SGMS1: variants seen among roughly 807,000 people sequenced by gnomAD.
SGMS1 encodes the protein sphingomyelin synthase 1.
Under a neutral mutation model 46.2 loss-of-function variants are expected in SGMS1, and 13 were observed. That is an observed-to-expected ratio of 0.28 (90% CI 0.18 to 0.45). SGMS1 has a LOEUF of 0.45. Ranked by LOEUF, SGMS1 falls within the 20% of genes least tolerant of loss-of-function variation. SGMS1 has a pLI of 1.00. For synonymous variants in SGMS1, 203 were observed against 187.8 expected, an observed-to-expected ratio of 1.08 and a Z score of -0.66; for missense variants, 324 against 519.9, an observed-to-expected ratio of 0.62 and a Z score of 3.66.
intron 1 of SGMS1, among the ~76,000 whole-genome samples, chr10:50,594,899 C>T (rs946198399): frequency 3.3e-5 from 5 of 152,112 alleles, no homozygotes; most frequent in African/African-American, 1.2e-4. Context: ...TCATTTATCC[C>T]GACAAGGTAG....
At chr10:50,406,419 A>G (rs1849015866) in intron 6 of SGMS1, among the ~76,000 whole-genome samples, 3 of 152,118 alleles carry the variant, frequency 2.0e-5, no homozygotes, top group African/African-American at 7.2e-5. Flanking sequence ...TGGGACCATG[A>G]AGGATGGATT....
At position 50,306,452 on chromosome 10, in the gene SGMS1, TTCTC is replaced by T. The variant is rs1319118863; in HGVS notation, c.*686_*689del. 5.9e-5 allele frequency: 9 copies of T among 152,724 alleles called. No homozygotes were observed. Among genetic ancestry groups the T allele is most frequent in the African/African-American group, 2.4e-5 (1 of 41,464 alleles). The allele number at this position is 152,724 out of a possible 1,614,324, so 9.5% of individuals were successfully genotyped here. On this transcript the variant is annotated 3_prime_UTR_variant, in exon 11 of 11. Transcript: ENST00000361781. Reference sequence around the variant, plus strand: ...GATGCATTTTTAAATTTTAACTCTCTTCTCTCTGACATGTTAAAAATCTTTAAAT... The same window carrying T: ...GATGCATTTTTAAATTTTAACTCTCTTCTGACATGTTAAAAATCTTTAAAT...
At chr10:50,392,581 G>C (rs1045434802) in intron 6 of SGMS1, among the ~76,000 whole-genome samples, 5 of 152,148 alleles carry the variant, frequency 3.3e-5, no homozygotes, top group Non-Finnish European at 5.9e-5. Context: ...AGCCCAGCAA[G>C]CGCCATGCAA....
chr10:50,484,154 C>T (rs1404090057), intron 3 of SGMS1, among the ~76,000 whole-genome samples: 1 of 151,452 alleles, frequency 6.6e-6, no homozygotes, highest in Non-Finnish European at 1.5e-5. Context: ...ACTAGCTAGA[C>T]TAATAAAGAA....
chr10:50,356,382 A>G (rs1452151364), intron 6 of SGMS1, among the ~76,000 whole-genome samples: 3 of 152,024 alleles, frequency 2.0e-5, no homozygotes, highest in Admixed American at 6.5e-5. Context: ...AGTCATCACC[A>G]CTCCCTAATC....
intron 1 of SGMS1, among the ~76,000 whole-genome samples, chr10:50,598,032 A>G (rs545644097): frequency 1.3e-5 from 2 of 151,872 alleles, no homozygotes; most frequent in East Asian, 3.9e-4. Context: ...AAAAAAGAAA[A>G]AAAAATTCAC....
chr10:50,356,007 C>T (rs563902391), intron 6 of SGMS1, among the ~76,000 whole-genome samples: 24 of 152,182 alleles, frequency 1.6e-4, no homozygotes, highest in South Asian at 8.3e-4. Context: ...GCAGCTGCCC[C>T]GTCTGGGAAG....
chr10:50,502,971 T>C (rs1476647130), intron 3 of SGMS1, among the ~76,000 whole-genome samples: 1 of 152,208 alleles, frequency 6.6e-6, no homozygotes, highest in African/African-American at 2.4e-5. Context: ...TAAAATATCA[T>C]ATGAAACCAT....
At chr10:50,555,653 T>C (rs1397390005) in intron 2 of SGMS1, among the ~76,000 whole-genome samples, 2 of 152,250 alleles carry the variant, frequency 1.3e-5, no homozygotes, top group Admixed American at 6.5e-5. Context: ...GCTAACTAAG[T>C]ATTCAGACCT....
chr10:50,528,104 C>G (rs1837920810), intron 2 of SGMS1, among the ~76,000 whole-genome samples: 1 of 151,966 alleles, frequency 6.6e-6, no homozygotes, highest in Non-Finnish European at 1.5e-5. Flanking sequence ...TTAAGAGTAC[C>G]AAGTACACAA....
At position 50,611,819 on chromosome 10, in the gene SGMS1, G is replaced by T. The variant is rs116564380; in HGVS notation, c.-684+11888C>A. Among the ~76,000 whole-genome samples the T allele has an allele frequency of 3.4e-3, 517 of 151,844 alleles. 2 individuals carry two copies. The highest frequency in any genetic ancestry group is 0.021 in the Middle Eastern group (6 of 290). ...CTCCACCCTTCCCTCTCCCCTCCTG[G>T]TTTCCTCAGGAGTAAAACATTCCTC... On this transcript the variant is annotated intron_variant, in intron 1 of 10. Coordinates refer to ENST00000361781, the MANE Select transcript of SGMS1 (RefSeq NM_147156.4).
chr10:50,414,505 A>G (rs1012415661), intron 6 of SGMS1, among the ~76,000 whole-genome samples: 1 of 152,232 alleles, frequency 6.6e-6, no homozygotes, highest in Non-Finnish European at 1.5e-5. Flanking sequence ...CAGCAGCAAC[A>G]ACAGAAGACT....
intron 6 of SGMS1, among the ~76,000 whole-genome samples, chr10:50,352,682 G>T (rs1220401623): frequency 6.6e-6 from 1 of 152,014 alleles, no homozygotes; most frequent in East Asian, 1.9e-4. Flanking sequence ...TGCTTTTTAG[G>T]GCTCTCCCAC....
chr10:50,324,823 T>G (rs1268844528), intron 8 of SGMS1, among the ~76,000 whole-genome samples: 1 of 152,248 alleles, frequency 6.6e-6, no homozygotes, highest in Non-Finnish European at 1.5e-5. Flanking sequence ...TGGGATATTC[T>G]GTAGGACTAT....
chr10:50,311,200 A>G, intron 9 of SGMS1, 62 bp downstream of exon 9: 1 of 1,563,786 alleles, frequency 6.4e-7, no homozygotes, highest in Non-Finnish European at 8.7e-7. Flanking sequence ...GCTTTACCAG[A>G]GGACCAGAGT....
At chr10:50,457,114 C>T (rs1462243864) in intron 5 of SGMS1, among the ~76,000 whole-genome samples, 1 of 152,130 alleles carries the variant, frequency 6.6e-6, no homozygotes, top group Non-Finnish European at 1.5e-5. Flanking sequence ...TTCACTGACG[C>T]TATTACCCAA....
chr10:50,567,181 G>A (rs1181655289), intron 2 of SGMS1, among the ~76,000 whole-genome samples: 3 of 152,096 alleles, frequency 2.0e-5, no homozygotes, highest in Non-Finnish European at 4.4e-5. Flanking sequence ...TCCTGACCTC[G>A]TGATTCACCT....
intron 3 of SGMS1, among the ~76,000 whole-genome samples, chr10:50,495,485 C>G (rs1472062453): frequency 7.2e-5 from 11 of 152,070 alleles, no homozygotes; most frequent in Admixed American, 7.2e-4. Flanking sequence ...GTCATTCATA[C>G]AATAGATGTT....
intron 7 of SGMS1, among the ~76,000 whole-genome samples, chr10:50,334,038 C>T (rs1847672218): frequency 6.6e-6 from 1 of 152,156 alleles, no homozygotes; most frequent in African/African-American, 2.4e-5. Context: ...AGAGTCACAA[C>T]AAAACCCAGG....
Sources: allele counts gnomAD v4.1 joint callset (sites outside exome capture counted in the v4.1 genomes callset), GRCh38; gene constraint gnomAD v4.1.1; transcripts MANE v1.5; gene names NCBI Gene and HGNC (gene_info 2026-07-23, HGNC 2026-07-21).